DCAF8L2: variants seen among roughly 807,000 people sequenced by gnomAD.
DCAF8L2 encodes DDB1- and CUL4-associated factor 8-like protein 2.
For synonymous variants in DCAF8L2, 200 were observed against 190.9 expected, an observed-to-expected ratio of 1.05 and a Z score of -0.39; for missense variants, 430 against 490.7, an observed-to-expected ratio of 0.88 and a Z score of 1.17.
the DCAF8L2 span, among the ~76,000 whole-genome samples, chrX:27,525,183 C>G: frequency 2.7e-5 from 3 of 111,516 alleles, no homozygotes; most frequent in African/African-American, 9.8e-5. Context: ...TTGTAGGTCT[C>G]TAAGGACTTG....
chrX:27,707,544 C>T (rs1931384162), intron 3 of DCAF8L2, among the ~76,000 whole-genome samples: 1 of 111,287 alleles, frequency 9.0e-6, no homozygotes, highest in Non-Finnish European at 1.9e-5. Flanking sequence ...TGGAAAAATA[C>T]CAAAAAAGTA....
At chrX:27,487,414 CG>C in the DCAF8L2 span, among the ~76,000 whole-genome samples, 1 of 111,130 alleles carries the variant, frequency 9.0e-6, no homozygotes, top group Non-Finnish European at 1.9e-5. Context: ...CCCGAGAAGC[CG>C]GGATTACAGG....
intron 3 of DCAF8L2, among the ~76,000 whole-genome samples, chrX:27,708,834 C>G (rs949060234): frequency 1.8e-5 from 2 of 112,780 alleles, no homozygotes; most frequent in African/African-American, 6.4e-5. Context: ...ATTTACTCTT[C>G]CATTACTGGA....
chrX:27,572,963 A>C, the DCAF8L2 span, among the ~76,000 whole-genome samples: 1 of 111,439 alleles, frequency 9.0e-6, no homozygotes, highest in Admixed American at 9.6e-5. Flanking sequence ...TATTGGGATC[A>C]ATCTTTCCCA....
chrX:27,544,035 C>T, the DCAF8L2 span, among the ~76,000 whole-genome samples: 8 of 111,716 alleles, frequency 7.2e-5, no homozygotes, highest in African/African-American at 1.9e-4. Context: ...TATGGTCCCC[C>T]TTTTTTACTG....
At chrX:27,643,786 A>G (rs754983995) in intron 2 of DCAF8L2, among the ~76,000 whole-genome samples, 43 of 111,691 alleles carry the variant, frequency 3.8e-4, no homozygotes, top group Admixed American at 3.2e-3. Flanking sequence ...TTCATTTCTC[A>G]TACAATACCT....
chrX:27,666,866 G>A (rs1056745503), intron 2 of DCAF8L2, among the ~76,000 whole-genome samples: 5 of 111,886 alleles, frequency 4.5e-5, no homozygotes, highest in African/African-American at 1.6e-4. Flanking sequence ...GATTAAAGGG[G>A]CTCATTTGTT....
intron 1 of DCAF8L2, among the ~76,000 whole-genome samples, chrX:27,614,127 A>C (rs1927335606): frequency 9.0e-6 from 1 of 111,272 alleles, no homozygotes; most frequent in Non-Finnish European, 1.9e-5. Flanking sequence ...CCTCAATTTC[A>C]GAGCCTGTTA....
chrX:27,514,668 CAAAAAAAAAAAAAAAA>C, the DCAF8L2 span, among the ~76,000 whole-genome samples: 1 of 2,527 alleles, frequency 4.0e-4, no homozygotes, highest in African/African-American at 1.2e-3. Context: ...GACTCCGTCT[CAAAAAAAAAAAAAAAA>C]AAAAAAAAAA....
chrX:27,576,856 C>T, the DCAF8L2 span, among the ~76,000 whole-genome samples: 2 of 111,642 alleles, frequency 1.8e-5, no homozygotes, highest in Non-Finnish European at 3.8e-5. Flanking sequence ...TTCTACGTAA[C>T]ATTGAACTCA....
chrX:27,469,385 A>G, the DCAF8L2 span, among the ~76,000 whole-genome samples: 1 of 112,183 alleles, frequency 8.9e-6, no homozygotes, highest in Non-Finnish European at 1.9e-5. Context: ...CATGTTGTAT[A>G]AGTACTAGTA....
At chrX:27,735,841 C>T (rs916987983) in intron 4 of DCAF8L2, among the ~76,000 whole-genome samples, 1 of 111,221 alleles carries the variant, frequency 9.0e-6, no homozygotes, top group Non-Finnish European at 1.9e-5. Context: ...TCGGCACCCA[C>T]TAATAGAATC....
chrX:27,565,767 G>A, the DCAF8L2 span, among the ~76,000 whole-genome samples: 1 of 110,984 alleles, frequency 9.0e-6, no homozygotes, highest in South Asian at 3.9e-4. Flanking sequence ...AGTTTAATAA[G>A]CGAAAGAGGG....
chrX:27,513,088 T>G, the DCAF8L2 span, among the ~76,000 whole-genome samples: 1 of 111,233 alleles, frequency 9.0e-6, no homozygotes, highest in African/African-American at 3.3e-5. Flanking sequence ...ATACACAAAA[T>G]CAACTCAAAG....
chrX:27,590,105 A>G (rs959851090), upstream of DCAF8L2, among the ~76,000 whole-genome samples: 2 of 111,436 alleles, frequency 1.8e-5, no homozygotes, highest in East Asian at 2.8e-4. Context: ...GAATCCAAGA[A>G]GAAAATGAAT....
the DCAF8L2 span, among the ~76,000 whole-genome samples, chrX:27,495,589 AT>A: frequency 3.8e-3 from 421 of 111,564 alleles, no homozygotes; most frequent in Middle Eastern, 0.014. Context: ...TATACATTTT[AT>A]TTTTTTGTCT....
At chrX:27,687,767 T>C (rs1435850951) in intron 3 of DCAF8L2, among the ~76,000 whole-genome samples, 1 of 111,457 alleles carries the variant, frequency 9.0e-6, no homozygotes, top group East Asian at 2.8e-4. Flanking sequence ...GGCAGGAGGA[T>C]TGCTTGAACC....
the DCAF8L2 span, among the ~76,000 whole-genome samples, chrX:27,553,332 C>A: frequency 2.4e-4 from 27 of 111,278 alleles, no homozygotes; most frequent in African/African-American, 7.5e-4. Flanking sequence ...ATGATCTGTT[C>A]ATTGTTTATA....
the DCAF8L2 span, among the ~76,000 whole-genome samples, chrX:27,570,311 TA>T: frequency 3.1e-4 from 35 of 111,157 alleles, no homozygotes; most frequent in Non-Finnish European, 6.2e-4. Context: ...CCTAAAAACT[TA>T]AAAATAGGAT....
Sources: allele counts gnomAD v4.1 joint callset (sites outside exome capture counted in the v4.1 genomes callset), GRCh38; gene constraint gnomAD v4.1.1; transcripts MANE v1.5; gene names NCBI Gene and HGNC (gene_info 2026-07-23, HGNC 2026-07-21).